The following PXK variants were observed in gnomAD, a reference collection of about 807,000 sequenced individuals.
PXK encodes PX domain-containing protein kinase-like protein.
A neutral mutation model predicts 84.7 loss-of-function variants in PXK; 35 were observed. The ratio of observed to expected loss-of-function variants is 0.41; its 90% CI spans 0.32 to 0.55. PXK has a LOEUF of 0.55. Ranked by LOEUF, PXK falls within the 20% of genes least tolerant of loss-of-function variation. The probability of loss-of-function intolerance (pLI) is 0.21; values close to 1 mark genes in which losing one functional copy is unlikely to be tolerated. For synonymous variants in PXK, 253 were observed against 260.8 expected, an observed-to-expected ratio of 0.97 and a Z score of 0.29; for missense variants, 634 against 699.7, an observed-to-expected ratio of 0.91 and a Z score of 1.06.
intron 13 of PXK, among the ~76,000 whole-genome samples, chr3:58,406,158 G>C (rs1276728854): frequency 6.6e-6 from 1 of 151,952 alleles, no homozygotes; most frequent in Non-Finnish European, 1.5e-5. Flanking sequence ...GTAGAGATGG[G>C]GTTTCATTAT....
intron 17 of PXK, chr3:58,422,127 A>G (rs2061977372): frequency 3.0e-6 from 3 of 985,328 alleles, no homozygotes; most frequent in East Asian, 1.1e-4. Context: ...TGAAGCCCCA[A>G]CGGACCTTTC....
At chr3:58,389,678 A>AAAC (rs201500428) in intron 4 of PXK, among the ~76,000 whole-genome samples, 34,512 of 94,028 alleles carry the variant, frequency 0.37, 5,429 homozygotes, top group East Asian at 0.77. Context: ...AAAAACAAAC[A>AAAC]AAAAAAAAAA....
At chr3:58,422,685 G>T in intron 17 of PXK, 1 of 985,368 alleles carries the variant, frequency 1.0e-6, no homozygotes, top group Non-Finnish European at 1.2e-6. Context: ...ACCAAGGGTT[G>T]GTTCTCTGTG....
rs1430057967 is a variant in PXK, at chr3:58,333,225, G to A, written c.102+135G>A. Reference sequence around the variant, plus strand: ...CAGGGTGGGCGGCCCTGGCCGAGAAGGCTGTGGCGCGCCGCTGGGTCTGGG... The same window carrying A: ...CAGGGTGGGCGGCCCTGGCCGAGAAAGCTGTGGCGCGCCGCTGGGTCTGGG... On this transcript the variant is annotated intron_variant, in intron 1 of 17. Transcript: ENST00000356151. This position sits in a 1 kb window ranked among gnomAD's most constrained non-coding sequence, Gnocchi z 5.4. The A allele has an allele frequency of 4.6e-6, 2 of 433,022 alleles. No individual in the cohort carries two copies. The highest frequency in any genetic ancestry group is 6.2e-6 in the Non-Finnish European group (2 of 320,726). 26.8% of individuals were successfully genotyped at this position (433,022 alleles called of 1,614,324 possible).
At chr3:58,420,848 T>C in intron 17 of PXK, 1 of 1,251,554 alleles carries the variant, frequency 8.0e-7, no homozygotes, top group South Asian at 2.0e-5. Flanking sequence ...ATCAACTGCA[T>C]GGCATTTTGG....
chr3:58,389,531 A>T (rs1313307302), intron 4 of PXK, among the ~76,000 whole-genome samples: 2 of 152,138 alleles, frequency 1.3e-5, no homozygotes, highest in African/African-American at 4.8e-5. Context: ...ATTTACATAG[A>T]ATTGCAGTGG....
intron 7 of PXK, among the ~76,000 whole-genome samples, chr3:58,392,309 G>A (rs1202300188): frequency 6.6e-6 from 1 of 152,116 alleles, no homozygotes; most frequent in Non-Finnish European, 1.5e-5. Context: ...TTATTTACAC[G>A]ACTACACAGC....
chr3:58,390,791 G>C lies in PXK; in HGVS notation c.466+132G>C. ...TTCTTTTTCTTTTTGCATATCAACT[G>C]CTTGAGGATACAGCTGGTAACTTTT... is the stretch of plus-strand genomic sequence containing the variant. On this transcript the variant is annotated intron_variant, in intron 5 of 17. Transcript: ENST00000356151. The surrounding 1 kb of genome is among the most constrained non-coding windows in gnomAD (Gnocchi z 4.2). 1.3e-6 allele frequency: 1 copy of C among 787,708 alleles called. No individual in the cohort carries two copies. Among genetic ancestry groups the C allele is most frequent in the South Asian group, 2.0e-5 (1 of 49,856 alleles). 48.8% of individuals were successfully genotyped at this position (787,708 alleles called of 1,614,324 possible).
chr3:58,351,395 T>TTGTGTGTGTGTGTGTG lies in PXK; in HGVS notation c.103-14455_103-14440dup, dbSNP rs57349140. The stretch of plus-strand genomic sequence containing the variant: ...GGTGTGCGCCACCACAGCTAGCTAT[T>TTGTGTGTGTGTGTGTG]TGTGTGTGTGTGTGTGTGTGTGTGT... On this transcript the variant is annotated intron_variant, in intron 1 of 17. Coordinates refer to ENST00000356151, the MANE Select transcript of PXK (RefSeq NM_017771.5). 5.2e-4 allele frequency among the ~76,000 whole-genome samples: 73 copies of TTGTGTGTGTGTGTGTG among 140,684 alleles called. 2 individuals carry two copies. The Middle Eastern group carries it at 0.011, about 21-fold the overall frequency. The allele number at this position is 140,684 out of a possible 152,430, so 92.3% of individuals were successfully genotyped here.
chr3:58,408,245 A>G (rs190041689), intron 13 of PXK, among the ~76,000 whole-genome samples: 1 of 152,204 alleles, frequency 6.6e-6, no homozygotes, highest in Non-Finnish European at 1.5e-5. Context: ...ATCTGCCTGC[A>G]TGTCAGTACC....
chr3:58,365,934 T>C lies in PXK; in HGVS notation c.153+10T>C. The C allele has an allele frequency of 2.2e-6, 1 of 457,896 alleles. No individual in the cohort carries two copies. The highest frequency in any genetic ancestry group is 2.9e-6 in the Non-Finnish European group (1 of 340,342). The allele number at this position is 457,896 out of a possible 1,614,324, so 28.4% of individuals were successfully genotyped here. A position where few individuals can be genotyped will look rare whatever the true frequency, so the allele number is the denominator to read the frequency against. On this transcript the variant is annotated intron_variant, in intron 2 of 17. Coordinates refer to ENST00000356151, the MANE Select transcript of PXK (RefSeq NM_017771.5). ...GGAAAACAGCTGGCAGGTAAGCATC[T>C]TTTTTTTTTTTTTTGTCAATTAGAA... is the stretch of plus-strand genomic sequence containing the variant.
At chr3:58,335,103 T>A (rs1215003158) in intron 1 of PXK, among the ~76,000 whole-genome samples, 2 of 151,600 alleles carry the variant, frequency 1.3e-5, no homozygotes, top group East Asian at 3.9e-4. Flanking sequence ...CTGGAACGCC[T>A]GGGCTCAGGC....
At chr3:58,356,765 G>A (rs144006097) in intron 1 of PXK, among the ~76,000 whole-genome samples, 2,044 of 151,684 alleles carry the variant, frequency 0.013, 24 homozygotes, top group Non-Finnish European at 0.023. Context: ...CTCCATGCCC[G>A]GCTAATTTTT....
intron 17 of PXK, among the ~76,000 whole-genome samples, chr3:58,420,049 A>G (rs1487369074): frequency 2.0e-4 from 30 of 152,224 alleles, no homozygotes; most frequent in Non-Finnish European, 3.5e-4. Flanking sequence ...AACTTTAAAG[A>G]GACAAATCTA....
At chr3:58,352,388 C>T (rs1212988023) in intron 1 of PXK, among the ~76,000 whole-genome samples, 3 of 152,198 alleles carry the variant, frequency 2.0e-5, no homozygotes, top group East Asian at 1.9e-4. Flanking sequence ...GCATCATTTC[C>T]AGCGGATCCG....
rs569705148 is a variant in PXK, at chr3:58,359,397, G to T, written c.103-6477G>T. 1.6e-4 allele frequency among the ~76,000 whole-genome samples: 25 copies of T among 151,996 alleles called. No homozygotes were observed. The East Asian group carries it at 4.6e-3, about 28-fold the overall frequency. Reference sequence around the variant, plus strand: ...ATACAAAAATTAGCCAGGCATGGTGGTGCGTGCCTGTAAATCCCAGCTACT... The same window carrying T: ...ATACAAAAATTAGCCAGGCATGGTGTTGCGTGCCTGTAAATCCCAGCTACT... On this transcript the variant is annotated intron_variant, in intron 1 of 17. Coordinates refer to ENST00000356151, the MANE Select transcript of PXK (RefSeq NM_017771.5).
In PXK at chr3:58,400,534, C is replaced by T. The variant is rs1254681668; in HGVS notation, c.1181+1157C>T. On this transcript the variant is annotated intron_variant, in intron 12 of 17. Coordinates refer to ENST00000356151, the MANE Select transcript of PXK (RefSeq NM_017771.5). This position sits in a 1 kb window ranked among gnomAD's most constrained non-coding sequence, Gnocchi z 4.0. ...AGGCACTGTAATGAAAAGAGGAAAC[C>T]AAGCCCCTGCCCCGTGGATGTGACA... 6.6e-6 allele frequency among the ~76,000 whole-genome samples: 1 copy of T among 152,146 alleles called. No homozygotes were observed. Among genetic ancestry groups the T allele is most frequent in the Non-Finnish European group, 1.5e-5 (1 of 68,030 alleles).
intron 1 of PXK, among the ~76,000 whole-genome samples, chr3:58,361,319 A>T (rs970038008): frequency 4.9e-5 from 7 of 143,462 alleles, no homozygotes; most frequent in Non-Finnish European, 9.1e-5. Flanking sequence ...AAAAAAAAAA[A>T]TGCAGAGAGA....
chr3:58,373,700 C>T (rs73835198), intron 3 of PXK, among the ~76,000 whole-genome samples: 1,856 of 152,224 alleles, frequency 0.012, 45 homozygotes, highest in African/African-American at 0.043. Context: ...TAGCCCAGGG[C>T]CTTTGTATGT....
Sources: allele counts gnomAD v4.1 joint callset (sites outside exome capture counted in the v4.1 genomes callset), GRCh38; gene constraint gnomAD v4.1.1; non-coding constraint Gnocchi (gnomAD v3.1); transcripts MANE v1.5; gene names NCBI Gene and HGNC (gene_info 2026-07-23, HGNC 2026-07-21).